The following SUCO variants were observed in gnomAD, a reference collection of about 807,000 sequenced individuals.
The protein encoded by SUCO is SUN domain containing ossification factor, also known as SUN domain-containing ossification factor.
Under a neutral mutation model 148.1 loss-of-function variants are expected in SUCO, and 57 were observed. The observed-to-expected ratio is 0.38, with a 90% CI of 0.31 to 0.48. The LOEUF (loss-of-function observed/expected upper bound fraction) is 0.48. SUCO is among the 20% of genes least tolerant of loss of function. SUCO has a pLI of 0.96. For missense variants in SUCO, 1,331 were observed against 1,468.2 expected (o/e 0.91, Z 1.53); for synonymous variants, 470 against 502.7 (o/e 0.93, Z 0.87).
intron 19 of SUCO, among the ~76,000 whole-genome samples, chr1:172,594,000 T>C (rs1656880420): frequency 6.6e-6 from 1 of 152,206 alleles, no homozygotes; most frequent in South Asian, 2.1e-4. Flanking sequence ...TGGTTTAGTC[T>C]TGGGAGGGTG....
intron 6 of SUCO, among the ~76,000 whole-genome samples, chr1:172,561,078 G>T (rs189590561): frequency 6.6e-6 from 1 of 152,358 alleles, no homozygotes; most frequent in East Asian, 1.9e-4. Context: ...ACCATGTATG[G>T]TCTCCTTGCT....
At position 172,542,843 on chromosome 1, in the gene SUCO, T is replaced by G. The variant is rs1006785591; in HGVS notation, c.63-8669T>G. 11 of 985,222 alleles carry G rather than the reference T, an allele frequency of 1.1e-5. No homozygotes were observed. The African/African-American group carries it at 1.9e-4, about 17-fold the overall frequency. The allele number at this position is 985,222 out of a possible 1,614,324, so 61.0% of individuals were successfully genotyped here. A position where few individuals can be genotyped will look rare whatever the true frequency, so the allele number is the denominator to read the frequency against. ...CTGGAAAGGATGGATGGAAAGAGAT[T>G]TAAGGAAGTCATTTAAGTGGTCAAC... is the stretch of plus-strand genomic sequence containing the variant. On this transcript the variant is annotated intron_variant, in intron 1 of 23. Transcript: ENST00000263688.
At chr1:172,555,375 G>A (rs1159335715) in intron 3 of SUCO, 1 of 985,202 alleles carries the variant, frequency 1.0e-6, no homozygotes, top group Non-Finnish European at 1.2e-6. Context: ...TTGTGTTTTG[G>A]AGGACTGAAA....
At position 172,589,578 on chromosome 1, in the gene SUCO, C is replaced by CT; in HGVS notation, c.2477_2478insT (p.Pro827ThrfsTer11). 1 of 1,613,692 alleles carries CT rather than the reference C, an allele frequency of 6.2e-7. No homozygotes were observed. Among genetic ancestry groups the CT allele is most frequent in the Non-Finnish European group, 8.5e-7 (1 of 1,179,846 alleles). On this transcript the variant is annotated frameshift_variant, in exon 18 of 24. Transcript: ENST00000263688. LOFTEE classifies it high-confidence loss of function. Reference sequence around the variant, plus strand: ...ACAAAGCTGTCTGAAACAATAGTGCCACCAATAAATACAGCCACTGTACCC... The same window carrying CT: ...ACAAAGCTGTCTGAAACAATAGTGCCTACCAATAAATACAGCCACTGTACCC...
chr1:172,539,576 C>T (rs1217046775), intron 1 of SUCO, among the ~76,000 whole-genome samples: 1 of 152,060 alleles, frequency 6.6e-6, no homozygotes, highest in East Asian at 1.9e-4. Flanking sequence ...GAAAGTGACA[C>T]CTGGCTGTAT....
At chr1:172,564,216 C>G (rs961679371) in intron 6 of SUCO, among the ~76,000 whole-genome samples, 1 of 152,248 alleles carries the variant, frequency 6.6e-6, no homozygotes, top group Admixed American at 6.5e-5. Context: ...CCCCCAATCC[C>G]CAGCATCCCC....
intron 6 of SUCO, among the ~76,000 whole-genome samples, chr1:172,563,888 G>A (rs906844834): frequency 3.3e-5 from 5 of 152,204 alleles, no homozygotes; most frequent in Non-Finnish European, 5.9e-5. Context: ...GCCAGTCCCC[G>A]GGTCCTGCTG....
At chr1:172,564,252 T>A (rs980265072) in intron 6 of SUCO, among the ~76,000 whole-genome samples, 6 of 152,190 alleles carry the variant, frequency 3.9e-5, no homozygotes, top group Non-Finnish European at 5.9e-5. Flanking sequence ...AATGGAGCTG[T>A]GAGAAGAGGG....
chr1:172,598,158 C>G (rs781388912), intron 19 of SUCO, among the ~76,000 whole-genome samples: 24 of 152,094 alleles, frequency 1.6e-4, no homozygotes, highest in Admixed American at 6.5e-4. Context: ...GTTAGAAGAG[C>G]AAAGCATATA....
At position 172,611,021 on chromosome 1, in the gene SUCO, C is replaced by T. The variant is rs764946014; in HGVS notation, c.*762C>T. ...ATTTTTGACAAATTCACCTTTTAAA[C>T]ACACTTAACCATTTGTGAAGGTTTT... On this transcript the variant is annotated 3_prime_UTR_variant, in exon 24 of 24. Transcript: ENST00000263688. 2 of 152,598 alleles carry T rather than the reference C, an allele frequency of 1.3e-5. No homozygotes were observed. Among genetic ancestry groups the T allele is most frequent in the Non-Finnish European group, 2.9e-5 (2 of 68,014 alleles). The allele number at this position is 152,598 out of a possible 1,614,324, so 9.5% of individuals were successfully genotyped here.
chr1:172,532,996 C>T (rs1651703956), upstream of SUCO: 4 of 1,406,186 alleles, frequency 2.8e-6, no homozygotes, highest in Non-Finnish European at 3.7e-6. Context: ...GGTGGGGGTG[C>T]GGGCGCCGCG....
intron 23 of SUCO, 125 bp downstream of exon 23, chr1:172,608,927 G>T: frequency 1.4e-6 from 1 of 708,722 alleles, no homozygotes; most frequent in Non-Finnish European, 2.4e-6. Flanking sequence ...TTTCTATCAT[G>T]ATAATGTTGT....
At chr1:172,605,429 T>G (rs1657806747) in intron 22 of SUCO, among the ~76,000 whole-genome samples, 1 of 151,878 alleles carries the variant, frequency 6.6e-6, no homozygotes, top group Non-Finnish European at 1.5e-5. Context: ...CCTTTTCCCA[T>G]TGAGTGGTCT....
At chr1:172,540,039 A>G (rs1398865002) in intron 1 of SUCO, among the ~76,000 whole-genome samples, 2 of 152,254 alleles carry the variant, frequency 1.3e-5, no homozygotes, top group Non-Finnish European at 1.5e-5. Context: ...ACTAAATACT[A>G]TTCAGTGTAA....
Position 172,557,763 on chromosome 1 carries a change from C to T in SUCO, c.701C>T (p.Ala234Val). The stretch of plus-strand genomic sequence containing the variant: ...CAGGGCGGTGGTGATCCAAAATCTG[C>T]ATTGAATGCTTCAGATAATTTAAAA... ...SEQGGGDPKS[A>V]LNASDNLKNE... The change falls in exon 6 of 24, where the codon GCA (alanine) becomes GTA (valine). Residue 234 changes from alanine to valine, a missense_variant. Physicochemically the swap from Ala to Val is moderately conservative, Grantham distance 64. Around this residue, in one of 3 missense-constraint regions of SUCO, gnomAD observed 992 missense variants for 1,093.5 expected, o/e 0.91. Transcript: ENST00000263688. 2 of 1,603,172 alleles carry T rather than the reference C, an allele frequency of 1.2e-6. No homozygotes were observed. Among genetic ancestry groups the T allele is most frequent in the Non-Finnish European group, 1.7e-6 (2 of 1,177,176 alleles).
At position 172,550,055 on chromosome 1, in the gene SUCO, G is replaced by A. The variant is rs61806142; in HGVS notation, c.63-1457G>A. 6.3e-3 allele frequency among the ~76,000 whole-genome samples: 961 copies of A among 151,960 alleles called. 5 individuals carry two copies. The highest frequency in any genetic ancestry group is 9.0e-3 in the Non-Finnish European group (613 of 67,784). ...CTAGGCTGATTGCCCTCTATTCCTT[G>A]TTTACAGCTATCTTCCTGGGATTTG... is the stretch of plus-strand genomic sequence containing the variant. On this transcript the variant is annotated intron_variant, in intron 1 of 23. Coordinates refer to ENST00000263688, the MANE Select transcript of SUCO (RefSeq NM_014283.5).
At chr1:172,599,186 G>A (rs570524946) in intron 19 of SUCO, among the ~76,000 whole-genome samples, 45 of 152,112 alleles carry the variant, frequency 3.0e-4, no homozygotes, top group Middle Eastern at 6.8e-3. Context: ...ATAATTAGCC[G>A]GGCATAGTGG....
intron 9 of SUCO, among the ~76,000 whole-genome samples, chr1:172,572,627 C>T (rs1337268170): frequency 1.4e-5 from 2 of 147,912 alleles, no homozygotes; most frequent in Non-Finnish European, 3.0e-5. Context: ...TATCTGCTGA[C>T]CCTCCCTCCA....
At chr1:172,545,915 T>TCCTTC (rs1652819876) in intron 1 of SUCO, among the ~76,000 whole-genome samples, 1 of 151,870 alleles carries the variant, frequency 6.6e-6, no homozygotes, top group Non-Finnish European at 1.5e-5. Context: ...CGTCCTTCCT[T>TCCTTC]CCTTCCTTTC....
Sources: gnomAD v4.1 joint callset for allele counts (sites outside exome capture counted in the v4.1 genomes callset) on GRCh38, gnomAD v4.1.1 for gene constraint, gnomAD v4.1.1 regional missense constraint, MANE v1.5 for transcripts, NCBI Gene and HGNC (gene_info 2026-07-23, HGNC 2026-07-21) for gene names.